The following RNF135 variants were observed in gnomAD, a reference collection of about 807,000 sequenced individuals.
RNF135 encodes E3 ubiquitin-protein ligase RNF135.
Under a neutral mutation model 41.9 loss-of-function variants are expected in RNF135, and 46 were observed. The observed-to-expected ratio is 1.10, with a 90% CI of 0.87 to 1.40. The LOEUF (loss-of-function observed/expected upper bound fraction) is 1.40. RNF135 is among the 40% of genes most tolerant of loss of function. The pLI is 0.00. For synonymous variants in RNF135, 238 were observed against 223.8 expected (o/e 1.06, Z -0.57); for missense variants, 539 against 549.8 (o/e 0.98, Z 0.20).
At chr17:30,983,458 A>G (rs1196916342) in intron 1 of RNF135, among the ~76,000 whole-genome samples, 1 of 146,222 alleles carries the variant, frequency 6.8e-6, no homozygotes. Flanking sequence ...GGTTCAAGAG[A>G]TTTTCTTGCT....
At chr17:30,994,481 C>T (rs1481654042) in intron 3 of RNF135, among the ~76,000 whole-genome samples, 1 of 151,902 alleles carries the variant, frequency 6.6e-6, no homozygotes, top group Non-Finnish European at 1.5e-5. Flanking sequence ...GCCTGGGAAG[C>T]AGAAGTTGCA....
upstream of RNF135, among the ~76,000 whole-genome samples, chr17:30,968,538 G>A (rs927845094): frequency 7.3e-5 from 11 of 151,402 alleles, no homozygotes; most frequent in Non-Finnish European, 1.5e-4. Context: ...GGCTCCCGCC[G>A]TCACGCCCGG....
intron 2 of RNF135, among the ~76,000 whole-genome samples, chr17:30,985,341 A>G (rs773188579): frequency 4.6e-5 from 7 of 152,112 alleles, no homozygotes; most frequent in Non-Finnish European, 1.0e-4. Context: ...CTAGGCTGCT[A>G]TGTCTTCCTT....
upstream of RNF135, among the ~76,000 whole-genome samples, chr17:30,967,752 A>C (rs1019371799): frequency 1.3e-5 from 2 of 149,254 alleles, no homozygotes; most frequent in African/African-American, 5.0e-5. Context: ...CCGAGGCTGG[A>C]GTGCAATGGT....
chr17:30,993,718 T>A, intron 3 of RNF135: 26 of 787,990 alleles, frequency 3.3e-5, no homozygotes, highest in South Asian at 1.3e-4. Context: ...AAAAAAAAAG[T>A]AAATAACTTC....
intron 1 of RNF135, among the ~76,000 whole-genome samples, chr17:30,980,828 C>G (rs1023966257): frequency 4.0e-5 from 6 of 150,364 alleles, no homozygotes; most frequent in African/African-American, 1.2e-4. Context: ...AGGCGCTCCT[C>G]GCTTCCTAGA....
At chr17:30,968,830 C>T (rs1905665689), upstream of RNF135, 1 of 152,146 alleles carries the variant, frequency 6.6e-6, no homozygotes, top group Non-Finnish European at 1.5e-5. Context: ...GAGCTGGTTC[C>T]AGGGAGGCTC....
chr17:30,979,532 AC>A (rs1196015143), intron 1 of RNF135, among the ~76,000 whole-genome samples: 86 of 2,526 alleles, frequency 0.034, 18 homozygotes, highest in Non-Finnish European at 0.06. Context: ...CAGCTGGCCG[AC>A]CCCCCCCCCC....
intron 3 of RNF135, among the ~76,000 whole-genome samples, chr17:30,996,397 T>C (rs530493212): frequency 1.3e-5 from 2 of 152,342 alleles, no homozygotes; most frequent in Non-Finnish European, 2.9e-5. Context: ...CAGTATTCGT[T>C]ACTTTTTAAG....
At chr17:30,975,448 T>C (rs2142666498) in intron 1 of RNF135, 3 of 775,218 alleles carry the variant, frequency 3.9e-6, no homozygotes, top group Non-Finnish European at 4.8e-6. Context: ...GGAAATGAAC[T>C]GTGTTCACTG....
upstream of RNF135, among the ~76,000 whole-genome samples, chr17:30,966,544 G>C (rs1253645177): frequency 6.6e-6 from 1 of 151,234 alleles, no homozygotes; most frequent in East Asian, 1.9e-4. Context: ...GCCCAGGCTG[G>C]AGTGCAGTGG....
At position 30,999,366 on chromosome 17, in the gene RNF135, A is replaced by T. The variant is rs570938647; in HGVS notation, c.*175A>T. 8.8e-6 allele frequency: 6 copies of T among 684,346 alleles called. No homozygotes were observed. Among genetic ancestry groups the T allele is most frequent in the Non-Finnish European group, 1.5e-5 (6 of 395,234 alleles). The allele number at this position is 684,346 out of a possible 1,614,324, so 42.4% of individuals were successfully genotyped here. On this transcript the variant is annotated 3_prime_UTR_variant, in exon 5 of 5. Coordinates refer to ENST00000328381, the MANE Select transcript of RNF135 (RefSeq NM_032322.4). ...TGGTCTCAAGCAGTCCTCCCACCTC[A>T]GCCTCCCAAGGTGCTGGGATTACAG...
At chr17:30,993,863 T>A (rs1042129521) in intron 3 of RNF135, 25 of 742,280 alleles carry the variant, frequency 3.4e-5, no homozygotes, top group Admixed American at 6.9e-5. Context: ...CAGGCTGGAG[T>A]GCAGTGGCAC....
At chr17:30,983,275 A>C (rs899079490) in intron 1 of RNF135, among the ~76,000 whole-genome samples, 3 of 141,042 alleles carry the variant, frequency 2.1e-5, no homozygotes, top group African/African-American at 7.6e-5. Flanking sequence ...TATATCCGGA[A>C]GTGGAATTGC....
intron 1 of RNF135, chr17:30,975,880 C>T: frequency 3.0e-6 from 2 of 675,544 alleles, no homozygotes; most frequent in South Asian, 1.9e-5. Context: ...GCTTCTACCC[C>T]ATTTTGGAAT....
In RNF135 at chr17:30,971,078, CGGGCCT is replaced by C. The variant is rs776836622; in HGVS notation, c.16_21del (p.Leu6_Gly7del). On this transcript the variant is annotated inframe_deletion, in exon 1 of 5. Coordinates refer to ENST00000328381, the MANE Select transcript of RNF135 (RefSeq NM_032322.4). ...CGCCCCGGCCGCCTGTTGGCCATGG[CGGGCCT>C]GGGCCTGGGCTCCGCCGTTCCCGTG... The C allele has an allele frequency of 1.3e-5, 20 of 1,534,076 alleles. No individual in the cohort carries two copies. The highest frequency in any genetic ancestry group is 1.7e-4 in the Middle Eastern group (1 of 5,834).
intron 1 of RNF135, chr17:30,975,587 A>G: frequency 3.6e-6 from 3 of 833,644 alleles, no homozygotes; most frequent in Admixed American, 1.7e-5. Flanking sequence ...CAAGAACCAC[A>G]GAGCAAAACT....
chr17:30,968,042 G>C (rs1905623070), upstream of RNF135, among the ~76,000 whole-genome samples: 1 of 151,926 alleles, frequency 6.6e-6, no homozygotes, highest in Non-Finnish European at 1.5e-5. Flanking sequence ...GGATGAGGTG[G>C]GCGGATCACC....
At chr17:30,965,959 T>C in the RNF135 span, among the ~76,000 whole-genome samples, 1 of 152,218 alleles carries the variant, frequency 6.6e-6, no homozygotes, top group African/African-American at 2.4e-5. Context: ...TGATGTTATC[T>C]ATAGGAGCAA....
Sources: gnomAD v4.1 joint callset for allele counts (sites outside exome capture counted in the v4.1 genomes callset) on GRCh38, gnomAD v4.1.1 for gene constraint, MANE v1.5 for transcripts, NCBI Gene and HGNC (gene_info 2026-07-23, HGNC 2026-07-21) for gene names.